Variants in RPL26L1 observed in about 807,000 individuals in gnomAD.
The protein encoded by RPL26L1 is ribosomal protein uL24-like.
Under a neutral mutation model 15.2 loss-of-function variants are expected in RPL26L1, and 8 were observed. That is an observed-to-expected ratio of 0.53 (90% CI 0.31 to 0.95). The LOEUF (loss-of-function observed/expected upper bound fraction) is 0.95. Ranked by LOEUF, RPL26L1 falls within the 40% of genes least tolerant of loss-of-function variation. The probability of loss-of-function intolerance (pLI) is 0.05; values close to 1 mark genes in which losing one functional copy is unlikely to be tolerated. For missense variants in RPL26L1, 146 were observed against 190.9 expected, an observed-to-expected ratio of 0.76 and a Z score of 1.39; for synonymous variants, 51 against 65.9, an observed-to-expected ratio of 0.77 and a Z score of 1.09.
At chr5:172,964,200 C>T (rs966993236) in intron 2 of RPL26L1, among the ~76,000 whole-genome samples, 33 of 151,274 alleles carry the variant, frequency 2.2e-4, no homozygotes, top group Admixed American at 7.2e-4. Flanking sequence ...GTCTCAAACT[C>T]CTGGCTTCAA....
At chr5:172,967,865 GTGTA>G (rs1251595389) in intron 2 of RPL26L1, among the ~76,000 whole-genome samples, 1 of 151,458 alleles carries the variant, frequency 6.6e-6, no homozygotes, top group Non-Finnish European at 1.5e-5. Flanking sequence ...AAGTACATAT[GTGTA>G]TGTATATGAT....
intron 2 of RPL26L1, among the ~76,000 whole-genome samples, chr5:172,964,749 T>C (rs1349023889): frequency 1.3e-5 from 2 of 152,252 alleles, no homozygotes; most frequent in South Asian, 4.1e-4. Context: ...TTCCTCTTTC[T>C]CTGAGTAGGT....
At chr5:172,959,278 C>A, upstream of RPL26L1, 1 of 671,456 alleles carries the variant, frequency 1.5e-6, no homozygotes, top group Non-Finnish European at 1.9e-6. Context: ...ACAAGCAGGC[C>A]CTTGTACTCA....
chr5:172,960,167 C>T (rs1755175024), intron 2 of RPL26L1, 126 bp downstream of exon 2: 4 of 1,130,766 alleles, frequency 3.5e-6, no homozygotes, highest in Admixed American at 1.9e-5. Context: ...ATGTGTTAGG[C>T]CAGAGATAGG....
At position 172,968,536 on chromosome 5, in the gene RPL26L1, C is replaced by T. The variant is rs538954945; in HGVS notation, c.246C>T (p.Ile82=). The change falls in exon 3 of 4, where the codon ATC becomes ATT. Residue 82 remains isoleucine (I), a synonymous_variant. Transcript: ENST00000265100. ...ACAGAAAGAAATATGTCATCTACAT[C>T]GAGCGGGTGCAGCGTGAGAAGGCCA... ...QVYRKKYVIY[I]ERVQREKANG... The T allele has an allele frequency of 9.3e-6, 15 of 1,614,078 alleles. No homozygotes were observed. The East Asian group carries it at 1.1e-4, about 12-fold the overall frequency.
upstream of RPL26L1, among the ~76,000 whole-genome samples, chr5:172,956,670 G>C (rs1754986803): frequency 1.3e-5 from 2 of 152,170 alleles, no homozygotes; most frequent in Non-Finnish European, 2.9e-5. Context: ...GGGTGTGGTG[G>C]CTCACATCTG....
chr5:172,954,579 AAG>A (rs982838605), upstream of RPL26L1, among the ~76,000 whole-genome samples: 1 of 151,896 alleles, frequency 6.6e-6, no homozygotes, highest in Non-Finnish European at 1.5e-5. Context: ...TGTCTCAAAA[AAG>A]AGAGAAAGAG....
intron 2 of RPL26L1, among the ~76,000 whole-genome samples, chr5:172,960,633 CTT>C (rs1755198519): frequency 6.6e-6 from 1 of 151,870 alleles, no homozygotes; most frequent in Non-Finnish European, 1.5e-5. Flanking sequence ...GCGAGTCACT[CTT>C]TCATAATTTC....
chr5:172,968,723 GT>G, intron 3 of RPL26L1, 124 bp downstream of exon 3: 1 of 923,442 alleles, frequency 1.1e-6, no homozygotes, highest in Non-Finnish European at 1.6e-6. Flanking sequence ...GATTGATTCA[GT>G]AGCTTTGTGA....
intron 2 of RPL26L1, among the ~76,000 whole-genome samples, chr5:172,962,584 G>GTGGCA: frequency 6.6e-6 from 1 of 152,042 alleles, no homozygotes; most frequent in African/African-American, 2.4e-5. Flanking sequence ...TTGGGAGGCT[G>GTGGCA]TGGCAGGCAG....
At chr5:172,963,044 T>TA (rs377525406) in intron 2 of RPL26L1, among the ~76,000 whole-genome samples, 36 of 152,160 alleles carry the variant, frequency 2.4e-4, no homozygotes, top group African/African-American at 8.4e-4. Context: ...AATGAGGAGT[T>TA]AGCCAGGTGC....
intron 2 of RPL26L1, 152 bp downstream of exon 2, chr5:172,960,193 A>C (rs777229453): frequency 2.7e-5 from 22 of 824,782 alleles, no homozygotes; most frequent in Non-Finnish European, 4.3e-5. Flanking sequence ...GAGCCACCAG[A>C]GAGTGCCTGC....
upstream of RPL26L1, chr5:172,956,925 G>A (rs1391093748): frequency 1.5e-5 from 4 of 266,252 alleles, no homozygotes; most frequent in Middle Eastern, 3.1e-3. Flanking sequence ...GCGACAGAGC[G>A]AGACTCTATC....
chr5:172,955,444 T>C, upstream of RPL26L1: 1 of 156,986 alleles, frequency 6.4e-6, no homozygotes, highest in Non-Finnish European at 1.4e-5. Flanking sequence ...TTAGTTTTTA[T>C]TACTATATGT....
chr5:172,959,354 C>G (rs1419372662), upstream of RPL26L1: 8 of 1,001,326 alleles, frequency 8.0e-6, no homozygotes, highest in South Asian at 2.9e-4. Flanking sequence ...CCGCTGGGGG[C>G]GCCATTCGAC....
intron 2 of RPL26L1, among the ~76,000 whole-genome samples, chr5:172,965,397 C>A (rs771025910): frequency 9.2e-5 from 14 of 152,138 alleles, no homozygotes; most frequent in Non-Finnish European, 1.6e-4. Flanking sequence ...AAGGAAAGTT[C>A]CCTTAGCTTT....
chr5:172,955,318 AG>A (rs1369394819), upstream of RPL26L1: 1 of 285,296 alleles, frequency 3.5e-6, no homozygotes, highest in East Asian at 9.4e-5. Flanking sequence ...TAGGAGAAAC[AG>A]GGTTTCACCA....
intron 2 of RPL26L1, among the ~76,000 whole-genome samples, chr5:172,964,312 T>G: frequency 9.4e-6 from 1 of 106,784 alleles, no homozygotes; most frequent in Non-Finnish European, 1.9e-5. Context: ...TGAGACAGAG[T>G]TTCACTCTTG....
chr5:172,955,210 C>A (rs1764332319), upstream of RPL26L1: 1 of 334,178 alleles, frequency 3.0e-6, no homozygotes, highest in Non-Finnish European at 5.7e-6. Flanking sequence ...CTCACTGCAA[C>A]ATCTACCTCC....
Sources: gnomAD v4.1 joint callset for allele counts (sites outside exome capture counted in the v4.1 genomes callset) on GRCh38, gnomAD v4.1.1 for gene constraint, MANE v1.5 for transcripts, NCBI Gene and HGNC (gene_info 2026-07-23, HGNC 2026-07-21) for gene names.